TLN2: variants seen among roughly 807,000 people sequenced by gnomAD.
TLN2 encodes talin 2.
A neutral mutation model predicts 294.7 loss-of-function variants in TLN2; 118 were observed. The observed-to-expected ratio is 0.40, with a 90% CI of 0.34 to 0.47. The LOEUF (loss-of-function observed/expected upper bound fraction) is 0.47, where lower values mean the gene tolerates loss of function less well. TLN2 is among the 20% of genes least tolerant of loss of function. The pLI is 0.84. For missense variants in TLN2, 3,083 were observed against 3,282.2 expected, an observed-to-expected ratio of 0.94 and a Z score of 1.48; for synonymous variants, 1,431 against 1,304.5, an observed-to-expected ratio of 1.10 and a Z score of -2.09.
chr15:62,490,919 T>G (rs549649895), intron 1 of TLN2, among the ~76,000 whole-genome samples: 1 of 152,286 alleles, frequency 6.6e-6, no homozygotes, highest in East Asian at 1.9e-4. Flanking sequence ...TTTGCCAAAG[T>G]TAAGGGTACA....
At chr15:62,478,845 C>G (rs577713586) in intron 1 of TLN2, among the ~76,000 whole-genome samples, 2 of 152,326 alleles carry the variant, frequency 1.3e-5, no homozygotes, top group South Asian at 4.2e-4. Flanking sequence ...TTAGGCTTCT[C>G]AACTTTTGGC....
At chr15:62,469,134 T>A (rs149745600) in intron 1 of TLN2, among the ~76,000 whole-genome samples, 213 of 152,328 alleles carry the variant, frequency 1.4e-3, no homozygotes, top group African/African-American at 4.8e-3. Flanking sequence ...ATGAGAAACA[T>A]TTGTGTTGGA....
chr15:62,759,329 T>C (rs190161605), intron 37 of TLN2, among the ~76,000 whole-genome samples: 58 of 152,338 alleles, frequency 3.8e-4, no homozygotes, highest in Non-Finnish European at 2.9e-5. Flanking sequence ...ATGATTGATA[T>C]GGCTTGCTAT....
chr15:62,692,705 A>G, intron 12 of TLN2, 135 bp from the exon 13 acceptor site: 1 of 647,540 alleles, frequency 1.5e-6, no homozygotes, highest in Non-Finnish European at 2.7e-6. Flanking sequence ...AAATTTTAGG[A>G]TATTCATTTG....
At chr15:62,472,640 T>C (rs1337077147) in intron 1 of TLN2, among the ~76,000 whole-genome samples, 3 of 152,190 alleles carry the variant, frequency 2.0e-5, no homozygotes, top group African/African-American at 4.8e-5. Context: ...AAAAAAAAGT[T>C]TTTTTGGATG....
chr15:62,498,153 C>CAAAAA (rs538951284), intron 1 of TLN2, among the ~76,000 whole-genome samples: 2 of 93,382 alleles, frequency 2.1e-5, no homozygotes, highest in African/African-American at 6.9e-5. Context: ...GACCCTGCCT[C>CAAAAA]AAAAAAAAAA....
At chr15:62,669,517 G>A (rs749315079) in intron 9 of TLN2, among the ~76,000 whole-genome samples, 3 of 152,170 alleles carry the variant, frequency 2.0e-5, no homozygotes, top group Non-Finnish European at 2.9e-5. Context: ...GCGGAGAAGT[G>A]AGTTCTCAAT....
chr15:62,723,614 G>T (rs2060275403), intron 26 of TLN2, among the ~76,000 whole-genome samples: 1 of 147,734 alleles, frequency 6.8e-6, no homozygotes, highest in East Asian at 2.0e-4. Context: ...TGCAGTCATG[G>T]CTCACTGTAA....
chr15:62,601,726 T>C (rs141703897), intron 2 of TLN2, among the ~76,000 whole-genome samples: 1 of 152,372 alleles, frequency 6.6e-6, no homozygotes, highest in East Asian at 1.9e-4. Context: ...TCTCATCGTT[T>C]ATTTGTTCAC....
intron 1 of TLN2, among the ~76,000 whole-genome samples, chr15:62,555,335 A>G (rs1257455770): frequency 1.3e-5 from 2 of 152,212 alleles, no homozygotes; most frequent in African/African-American, 4.8e-5. Context: ...GTTCCTTTAT[A>G]TTAACCTTTT....
intron 1 of TLN2, among the ~76,000 whole-genome samples, chr15:62,571,536 C>T (rs1328227335): frequency 6.6e-6 from 1 of 152,114 alleles, no homozygotes; most frequent in Non-Finnish European, 1.5e-5. Context: ...GTAGTAATGT[C>T]ATACTAATAC....
chr15:62,743,041 T>C (rs1268318622), intron 32 of TLN2, among the ~76,000 whole-genome samples: 1 of 152,164 alleles, frequency 6.6e-6, no homozygotes, highest in East Asian at 1.9e-4. Flanking sequence ...ATTATGTGTG[T>C]CTTTATATCT....
rs1202151994 is a variant in TLN2 at position 62,744,583 on chromosome 15, G to A, written c.4026-3768G>A. ...TTATTTTGAGATGGAATTTCGCTCC[G>A]TCGCCCAGGCTGGAGTGCAGAGGCG... is the stretch of plus-strand genomic sequence containing the variant. On this transcript the variant is annotated intron_variant, in intron 32 of 58. Coordinates refer to ENST00000636159, the MANE Select transcript of TLN2 (RefSeq NM_015059.3). Among the ~76,000 whole-genome samples the A allele has an allele frequency of 5.3e-5, 8 of 151,814 alleles. No individual in the cohort carries two copies. The East Asian group carries it at 1.6e-3, about 30-fold the overall frequency.
intron 2 of TLN2, among the ~76,000 whole-genome samples, chr15:62,596,750 A>T (rs907416607): frequency 7.9e-5 from 12 of 152,302 alleles, no homozygotes; most frequent in East Asian, 7.7e-4. Context: ...CAAAAAAAAA[A>T]AAAAATAATA....
At chr15:62,449,364 C>G (rs939746391) in intron 1 of TLN2, among the ~76,000 whole-genome samples, 2 of 152,146 alleles carry the variant, frequency 1.3e-5, no homozygotes. Flanking sequence ...CTTCCTGTTC[C>G]TCTCTCCTCT....
At chr15:62,445,440 AC>A (rs967122644) in intron 1 of TLN2, among the ~76,000 whole-genome samples, 8 of 152,188 alleles carry the variant, frequency 5.3e-5, no homozygotes, top group Non-Finnish European at 1.2e-4. Flanking sequence ...CTCTTTAGAA[AC>A]AAACAGTGAC....
At chr15:62,782,285 C>G (rs2064243651) in intron 44 of TLN2, among the ~76,000 whole-genome samples, 1 of 152,178 alleles carries the variant, frequency 6.6e-6, no homozygotes, top group Non-Finnish European at 1.5e-5. Context: ...AGAATTCGGG[C>G]TGGGGAATGG....
rs200962160 is a variant in TLN2, at chr15:62,776,886, C to T, written c.5490C>T (p.Asp1830=). 16 of 1,585,796 alleles carry T rather than the reference C, an allele frequency of 1.0e-5. No homozygotes were observed. The highest frequency in any genetic ancestry group is 7.1e-5 in the Admixed American group (4 of 56,490). ...TGGGGCTGGTTGGGGGCATGGTGGA[C>T]GCCATTGCAGAAGCCATGAGCAAGG... ...SEVGLVGGMV[D]AIAEAMSKLD... Residue 1830 remains aspartate (D), a synonymous_variant, in exon 43 of 59, where the codon GAC becomes GAT. Transcript: ENST00000636159.
intron 28 of TLN2, among the ~76,000 whole-genome samples, chr15:62,732,107 A>G (rs2060761999): frequency 6.6e-6 from 1 of 152,212 alleles, no homozygotes; most frequent in Non-Finnish European, 1.5e-5. Flanking sequence ...GGAGGAGGAA[A>G]GGTATGATAA....
Sources: allele counts gnomAD v4.1 joint callset (sites outside exome capture counted in the v4.1 genomes callset), GRCh38; gene constraint gnomAD v4.1.1; transcripts MANE v1.5; gene names NCBI Gene and HGNC (gene_info 2026-07-23, HGNC 2026-07-21).